Variants in ADARB2 observed in about 807,000 individuals in gnomAD.
ADARB2 encodes the protein inactive double-stranded RNA-specific editase B2.
ADARB2 carries 25 observed loss-of-function variants against 62.2 expected under a neutral mutation model. That is an observed-to-expected ratio of 0.40 (90% confidence interval 0.29 to 0.56). ADARB2 has a LOEUF of 0.56. ADARB2 is among the 20% of genes least tolerant of loss of function. The pLI is 0.43. For synonymous variants in ADARB2, 572 were observed against 500.8 expected (o/e 1.14, Z -1.90); for missense variants, 1,071 against 1,077.4 (o/e 0.99, Z 0.08).
At chr10:1,235,224 G>A (rs527472500) in intron 5 of ADARB2, among the ~76,000 whole-genome samples, 9 of 143,752 alleles carry the variant, frequency 6.3e-5, no homozygotes, top group Non-Finnish European at 1.4e-4. Flanking sequence ...GAGGAAAAGA[G>A]CTGTAGGAAG....
At chr10:1,219,049 CA>C (rs58282140) in intron 6 of ADARB2, among the ~76,000 whole-genome samples, 8,055 of 103,214 alleles carry the variant, frequency 0.078, 629 homozygotes, top group African/African-American at 0.24. Context: ...GACTACGTCT[CA>C]AAAAAAAAAA....
At chr10:1,453,217 A>T (rs1482195327) in intron 1 of ADARB2, among the ~76,000 whole-genome samples, 1 of 152,188 alleles carries the variant, frequency 6.6e-6, no homozygotes, top group Non-Finnish European at 1.5e-5. Context: ...CAAGTAAATC[A>T]TGGGCTTTTC....
chr10:1,447,788 T>A (rs2131899648), intron 1 of ADARB2, among the ~76,000 whole-genome samples: 1 of 152,334 alleles, frequency 6.6e-6, no homozygotes, highest in African/African-American at 2.4e-5. Flanking sequence ...GTCCCTGTGT[T>A]TTCATCATTT....
chr10:1,207,478 A>G (rs933889915), intron 7 of ADARB2, among the ~76,000 whole-genome samples: 1 of 152,174 alleles, frequency 6.6e-6, no homozygotes, highest in Admixed American at 6.5e-5. Flanking sequence ...AATGAACATC[A>G]CTCATTTGAC....
At chr10:1,722,098 T>G (rs1160077014) in intron 1 of ADARB2, among the ~76,000 whole-genome samples, 1 of 152,226 alleles carries the variant, frequency 6.6e-6, no homozygotes, top group Non-Finnish European at 1.5e-5. Context: ...TTTAGTCAGT[T>G]GGTGTGTCAT....
At chr10:1,615,380 G>A (rs1345553721) in intron 1 of ADARB2, among the ~76,000 whole-genome samples, 1 of 152,216 alleles carries the variant, frequency 6.6e-6, no homozygotes, top group Non-Finnish European at 1.5e-5. Context: ...TGCTGGGGAG[G>A]CAGCACAGCC....
chr10:1,349,739 G>C (rs1274698793), intron 3 of ADARB2, among the ~76,000 whole-genome samples: 2 of 152,052 alleles, frequency 1.3e-5, no homozygotes, highest in South Asian at 4.2e-4. Context: ...CCAAAACTCC[G>C]GCGCTGGTCA....
At chr10:1,233,602 C>G in intron 6 of ADARB2, 92 bp downstream of exon 6, 1 of 1,374,636 alleles carries the variant, frequency 7.3e-7, no homozygotes, top group South Asian at 1.7e-5. Context: ...ACACCGCGCC[C>G]CTGCCCTGGG....
In ADARB2 at chr10:1,351,674, C is replaced by A. The variant is rs2820619; in HGVS notation, c.1077+11354G>T. Among the ~76,000 whole-genome samples the A allele has an allele frequency of 1.9e-3, 295 of 151,526 alleles. 2 individuals carry two copies. The highest frequency in any genetic ancestry group is 7.0e-3 in the African/African-American group (289 of 41,280). On this transcript the variant is annotated intron_variant, in intron 3 of 9. Transcript: ENST00000381312. ...CCTTAGTGACCGATCATGCACCCCT[C>A]ACCATCCCATTAAAACCTAATCACC...
intron 1 of ADARB2, among the ~76,000 whole-genome samples, chr10:1,397,878 C>T (rs1832628487): frequency 1.7e-5 from 2 of 118,660 alleles, no homozygotes; most frequent in African/African-American, 3.4e-5. Flanking sequence ...CCTGGGTCAC[C>T]GTCCTCCTCT....
At chr10:1,258,189 C>G (rs1329312962) in intron 4 of ADARB2, among the ~76,000 whole-genome samples, 1 of 152,100 alleles carries the variant, frequency 6.6e-6, no homozygotes, top group Non-Finnish European at 1.5e-5. Context: ...GTGTGCTTAA[C>G]CATAGCATGG....
chr10:1,366,785 G>A (rs1336264911), intron 2 of ADARB2, among the ~76,000 whole-genome samples: 10 of 152,184 alleles, frequency 6.6e-5, no homozygotes, highest in Admixed American at 4.6e-4. Context: ...GCTGCCCCAC[G>A]TGTGACCGGA....
At chr10:1,409,067 C>T (rs1253131484) in intron 1 of ADARB2, among the ~76,000 whole-genome samples, 1 of 152,198 alleles carries the variant, frequency 6.6e-6, no homozygotes, top group Non-Finnish European at 1.5e-5. Flanking sequence ...CAGGCTGATG[C>T]CCATGTCTCA....
chr10:1,705,311 TG>T (rs1421895737), intron 1 of ADARB2, among the ~76,000 whole-genome samples: 1 of 152,072 alleles, frequency 6.6e-6, no homozygotes, highest in Non-Finnish European at 1.5e-5. Context: ...GTTTTGTGGC[TG>T]GGGAGGGTAG....
Position 1,320,276 on chromosome 10 carries a change from C to CT in ADARB2, c.1077+42751dup, listed in dbSNP as rs1361222391. Among the ~76,000 whole-genome samples the CT allele has an allele frequency of 3.3e-5, 5 of 152,340 alleles. No homozygotes were observed. The East Asian group carries it at 7.7e-4, about 24-fold the overall frequency. On this transcript the variant is annotated intron_variant, in intron 3 of 9. Transcript: ENST00000381312. ...AGTGAGTCTCAATAAACATCATTGT[C>CT]TTTAACATAGCAAAGTAGGGCTCCC...
chr10:1,296,242 A>G (rs2805566), intron 3 of ADARB2, among the ~76,000 whole-genome samples: 71,768 of 152,066 alleles, frequency 0.47, 19,136 homozygotes, highest in Middle Eastern at 0.64. Flanking sequence ...TTCCCTCCAC[A>G]GAGGAGGGAG....
At chr10:1,596,961 C>T (rs1833344106) in intron 1 of ADARB2, among the ~76,000 whole-genome samples, 1 of 152,114 alleles carries the variant, frequency 6.6e-6, no homozygotes, top group Non-Finnish European at 1.5e-5. Context: ...GACTTCTCTC[C>T]ACGGTGGGTG....
At chr10:1,454,338 A>T (rs1831072955) in intron 1 of ADARB2, among the ~76,000 whole-genome samples, 1 of 152,206 alleles carries the variant, frequency 6.6e-6, no homozygotes, top group Admixed American at 6.5e-5. Flanking sequence ...CACAGAGCCA[A>T]ACCATATCAT....
At chr10:1,219,049 C>CAAAAA (rs58282140) in intron 6 of ADARB2, among the ~76,000 whole-genome samples, 1 of 103,628 alleles carries the variant, frequency 9.6e-6, no homozygotes, top group African/African-American at 3.6e-5. Flanking sequence ...GACTACGTCT[C>CAAAAA]AAAAAAAAAA....
Sources: allele counts gnomAD v4.1 joint callset (sites outside exome capture counted in the v4.1 genomes callset), GRCh38; gene constraint gnomAD v4.1.1; transcripts MANE v1.5; gene names NCBI Gene and HGNC (gene_info 2026-07-23, HGNC 2026-07-21).